GYG1: variants seen among roughly 807,000 people sequenced by gnomAD.
GYG1 encodes the protein glycogenin-1.
GYG1 carries 44 observed loss-of-function variants against 41.9 expected under a neutral mutation model. The observed-to-expected ratio is 1.05, with a 90% CI of 0.83 to 1.35. The LOEUF is 1.35. Ranked by LOEUF, GYG1 falls within the 40% of genes most tolerant of loss-of-function variation. The pLI is 0.00. For synonymous variants in GYG1, 141 were observed against 158.1 expected (o/e 0.89, Z 0.81); for missense variants, 429 against 418.9 (o/e 1.02, Z -0.21).
chr3:149,010,324 GTTC>G (rs1713645970), intron 5 of GYG1, among the ~76,000 whole-genome samples: 1 of 144,224 alleles, frequency 6.9e-6, no homozygotes, highest in East Asian at 2.0e-4. Flanking sequence ...CCCTGGTGCA[GTTC>G]TTTTTTTTTT....
intron 4 of GYG1, among the ~76,000 whole-genome samples, chr3:148,999,615 A>C (rs1174746342): frequency 6.6e-6 from 1 of 152,200 alleles, no homozygotes; most frequent in Admixed American, 6.5e-5. Context: ...GATAGCAATA[A>C]AATATTTCTT....
In GYG1 at chr3:148,996,286, G is replaced by T. The variant is rs966472002; in HGVS notation, c.144-16G>T. The T allele has an allele frequency of 2.5e-6, 4 of 1,595,608 alleles. No homozygotes were observed. The highest frequency in any genetic ancestry group is 3.4e-6 in the Non-Finnish European group (4 of 1,164,930). On this transcript the variant is annotated splice_polypyrimidine_tract_variant and intron_variant, in intron 2 of 7. Transcript: ENST00000345003. ...AAAAGATGCTAAGTGTGGTATTCTG[G>T]ATTTTATTTTGACAGAAAAGTTTTA...
chr3:148,994,898 G>T (rs761482289), intron 2 of GYG1, among the ~76,000 whole-genome samples: 9 of 152,132 alleles, frequency 5.9e-5, no homozygotes, highest in Non-Finnish European at 1.0e-4. Context: ...TGAAGTATTT[G>T]GGCCAGGTGT....
At chr3:149,012,997 T>TTATGTGTGTGTGTGTGTG (rs1553731849) in intron 5 of GYG1, among the ~76,000 whole-genome samples, 1 of 141,368 alleles carries the variant, frequency 7.1e-6, no homozygotes, top group African/African-American at 2.8e-5. Context: ...CTCAGTTAAT[T>TTATGTGTGTGTGTGTGTG]TGTGTGTGTG....
chr3:149,019,321 C>T (rs1461263645), intron 5 of GYG1, among the ~76,000 whole-genome samples: 2 of 152,190 alleles, frequency 1.3e-5, no homozygotes, highest in Non-Finnish European at 2.9e-5. Context: ...CTACTTACAT[C>T]CTAACACTTT....
At chr3:148,995,371 A>G (rs2107885902) in intron 2 of GYG1, among the ~76,000 whole-genome samples, 1 of 152,120 alleles carries the variant, frequency 6.6e-6, no homozygotes, top group South Asian at 2.1e-4. Context: ...GTGACTTTTT[A>G]TTTTTTTCCC....
chr3:149,016,525 C>T (rs1187688701), intron 5 of GYG1, among the ~76,000 whole-genome samples: 1 of 152,132 alleles, frequency 6.6e-6, no homozygotes, highest in Non-Finnish European at 1.5e-5. Context: ...ATGTTGTTGA[C>T]TAGGTCCTAG....
intron 2 of GYG1, among the ~76,000 whole-genome samples, chr3:148,995,767 G>A (rs147285810): frequency 2.1e-4 from 32 of 152,282 alleles, no homozygotes; most frequent in African/African-American, 7.2e-4. Flanking sequence ...TCAGTTTAGT[G>A]TCTTACCCAA....
chr3:149,024,379 A>C (rs934387646), intron 6 of GYG1, 107 bp downstream of exon 6: 1 of 766,496 alleles, frequency 1.3e-6, no homozygotes, highest in African/African-American at 1.7e-5. Context: ...AAAGAGATAA[A>C]TAAAATTTTG....
Position 149,027,092 on chromosome 3 carries a change from G to A in GYG1, c.*159G>A. On this transcript the variant is annotated 3_prime_UTR_variant, in exon 8 of 8. Coordinates refer to ENST00000345003, the MANE Select transcript of GYG1 (RefSeq NM_004130.4). ...TTTTAGGATAAGAGGTGAGAACTGG[G>A]CAAAAGTTGTGAAGCAGCAATTCTG... is the stretch of plus-strand genomic sequence containing the variant. 1 of 688,836 alleles carries A rather than the reference G, an allele frequency of 1.5e-6. No individual in the cohort carries two copies. The highest frequency in any genetic ancestry group is 2.5e-6 in the Non-Finnish European group (1 of 401,954). 42.7% of individuals were successfully genotyped at this position (688,836 alleles called of 1,614,324 possible). A position where few individuals can be genotyped will look rare whatever the true frequency, so the allele number is the denominator to read the frequency against.
intron 6 of GYG1, among the ~76,000 whole-genome samples, chr3:149,024,718 A>G (rs1263717146): frequency 6.6e-6 from 1 of 152,224 alleles, no homozygotes; most frequent in Non-Finnish European, 1.5e-5. Flanking sequence ...AAATACTTCT[A>G]TAGGATTGTT....
At chr3:149,014,512 G>A (rs1295749774) in intron 5 of GYG1, among the ~76,000 whole-genome samples, 1 of 151,456 alleles carries the variant, frequency 6.6e-6, no homozygotes, top group Non-Finnish European at 1.5e-5. Flanking sequence ...GGGAGGCCAA[G>A]GAGGGTGGAT....
chr3:149,027,005 G>A lies in GYG1; in HGVS notation c.*72G>A. On this transcript the variant is annotated 3_prime_UTR_variant, in exon 8 of 8. Transcript: ENST00000345003. ...TCTGATACTTAGTATCTAGAGCTGG[G>A]TTGAGAAAAGTCTGTTACAGTTGCT... The A allele has an allele frequency of 6.7e-7, 1 of 1,491,774 alleles. No individual in the cohort carries two copies. The highest frequency in any genetic ancestry group is 9.4e-7 in the Non-Finnish European group (1 of 1,068,480). 92.4% of individuals were successfully genotyped at this position (1,491,774 alleles called of 1,614,324 possible).
At chr3:149,001,428 T>A (rs895906206) in intron 4 of GYG1, 4 of 152,226 alleles carry the variant, frequency 2.6e-5, no homozygotes, top group African/African-American at 4.8e-5. Context: ...TACCCGTGAA[T>A]ATACTTTTTT....
Position 149,027,007 on chromosome 3 carries a change from T to A in GYG1, c.*74T>A, listed in dbSNP as rs781256125. On this transcript the variant is annotated 3_prime_UTR_variant, in exon 8 of 8. Transcript: ENST00000345003. ...TGATACTTAGTATCTAGAGCTGGGT[T>A]GAGAAAAGTCTGTTACAGTTGCTAG... The A allele has an allele frequency of 2.2e-5, 33 of 1,494,766 alleles. No homozygotes were observed. The Admixed American group carries it at 5.4e-4, about 24-fold the overall frequency. The allele number at this position is 1,494,766 out of a possible 1,614,324, so 92.6% of individuals were successfully genotyped here. A position where few individuals can be genotyped will look rare whatever the true frequency, so the allele number is the denominator to read the frequency against.
At chr3:149,008,536 A>G (rs57012118) in intron 4 of GYG1, among the ~76,000 whole-genome samples, 3,964 of 152,286 alleles carry the variant, frequency 0.026, 183 homozygotes, top group African/African-American at 0.091. Flanking sequence ...ATTGGTTTAA[A>G]CACAACTTCC....
intron 4 of GYG1, among the ~76,000 whole-genome samples, chr3:148,999,078 A>G (rs755752299): frequency 6.6e-6 from 1 of 152,242 alleles, no homozygotes; most frequent in Non-Finnish European, 1.5e-5. Context: ...ATTACCAAAC[A>G]GTAGTGTGCC....
intron 1 of GYG1, among the ~76,000 whole-genome samples, chr3:148,993,094 G>C (rs1271833824): frequency 1.3e-5 from 2 of 152,138 alleles, no homozygotes; most frequent in Non-Finnish European, 2.9e-5. Context: ...TTGATCCGAA[G>C]TGTCCTATGC....
At chr3:149,000,164 A>C in intron 4 of GYG1, among the ~76,000 whole-genome samples, 1 of 152,234 alleles carries the variant, frequency 6.6e-6, no homozygotes, top group Non-Finnish European at 1.5e-5. Context: ...CTAATATGGC[A>C]AACCATACGA....
Sources: allele counts gnomAD v4.1 joint callset (sites outside exome capture counted in the v4.1 genomes callset), GRCh38; gene constraint gnomAD v4.1.1; transcripts MANE v1.5; gene names NCBI Gene and HGNC (gene_info 2026-07-23, HGNC 2026-07-21).